Variants in ASAP2 observed in about 807,000 individuals in gnomAD.
The protein encoded by ASAP2 is ArfGAP with SH3 domain, ankyrin repeat and PH domain 2.
In ASAP2, 45 loss-of-function variants were observed where a neutral mutation model predicts 131.4. That is an observed-to-expected ratio of 0.34 (90% confidence interval 0.27 to 0.44). The LOEUF (loss-of-function observed/expected upper bound fraction) is 0.44. Ranked by LOEUF, ASAP2 falls within the 20% of genes least tolerant of loss-of-function variation. ASAP2 has a pLI of 1.00. For missense variants in ASAP2, 1,011 were observed against 1,297.0 expected (o/e 0.78, Z 3.39); for synonymous variants, 510 against 503.0 (o/e 1.01, Z -0.19).
intron 1 of ASAP2, among the ~76,000 whole-genome samples, chr2:9,267,065 A>C (rs1665990618): frequency 6.6e-6 from 1 of 152,154 alleles, no homozygotes; most frequent in Non-Finnish European, 1.5e-5. Flanking sequence ...AGATGCTTTA[A>C]TTTTACTTGT....
intron 1 of ASAP2, among the ~76,000 whole-genome samples, chr2:9,267,643 T>C (rs35389797): frequency 0.24 from 37,102 of 151,898 alleles, 5,154 homozygotes; most frequent in African/African-American, 0.36. Flanking sequence ...ATGCCTGTAA[T>C]CCCAGCACTT....
chr2:9,367,118 C>A (rs1303001388), intron 15 of ASAP2, among the ~76,000 whole-genome samples: 1 of 149,354 alleles, frequency 6.7e-6, no homozygotes, highest in South Asian at 2.1e-4. Flanking sequence ...GCAATCTTCA[C>A]CTCCTGGATT....
chr2:9,333,342 T>A (rs980259227), intron 7 of ASAP2, among the ~76,000 whole-genome samples: 1 of 152,226 alleles, frequency 6.6e-6, no homozygotes, highest in Admixed American at 6.5e-5. Context: ...GAATTCTGTT[T>A]TAAACAATCA....
chr2:9,332,022 C>T lies in ASAP2; in HGVS notation c.687-2716C>T, dbSNP rs921100544. Among the ~76,000 whole-genome samples the T allele has an allele frequency of 3.3e-5, 5 of 152,074 alleles. No homozygotes were observed. In the East Asian group the frequency reaches 7.8e-4, roughly 24 times the overall value. ...GAAGGCTGCAGGAGGGGCCCTGGCA[C>T]GGTGTGTGGGGCCCAGAGAAGAAAG... On this transcript the variant is annotated intron_variant, in intron 7 of 27. Transcript: ENST00000281419.
chr2:9,241,299 T>C (rs1433244686), intron 1 of ASAP2, among the ~76,000 whole-genome samples: 2 of 152,250 alleles, frequency 1.3e-5, no homozygotes, highest in East Asian at 3.8e-4. Context: ...CTGTTGTGCA[T>C]GTAGAACATT....
chr2:9,320,384 C>T (rs778105105), intron 5 of ASAP2, 47 bp downstream of exon 5: 8 of 1,437,732 alleles, frequency 5.6e-6, no homozygotes, highest in East Asian at 4.6e-5. Context: ...TTTGGGATTT[C>T]AAATTTAAAC....
intron 1 of ASAP2, among the ~76,000 whole-genome samples, chr2:9,214,356 CA>C (rs1452956128): frequency 1.3e-5 from 2 of 152,144 alleles, no homozygotes; most frequent in Non-Finnish European, 2.9e-5. Flanking sequence ...TCTCCTGCCT[CA>C]GCCTCCTGAG....
chr2:9,209,211 T>G (rs1453067358), intron 1 of ASAP2, among the ~76,000 whole-genome samples: 3 of 152,234 alleles, frequency 2.0e-5, no homozygotes, highest in African/African-American at 7.2e-5. Flanking sequence ...TCATTTCAGG[T>G]TTATTTCACT....
chr2:9,245,839 T>C (rs11678445), intron 1 of ASAP2, among the ~76,000 whole-genome samples: 34,379 of 152,108 alleles, frequency 0.23, 4,064 homozygotes, highest in Non-Finnish European at 0.25. Context: ...CGCCACCAGA[T>C]CCCCAGTGCC....
intron 1 of ASAP2, among the ~76,000 whole-genome samples, chr2:9,210,949 A>T (rs1366958397): frequency 6.6e-6 from 1 of 151,968 alleles, no homozygotes; most frequent in Non-Finnish European, 1.5e-5. Flanking sequence ...TGGGGTCAGG[A>T]GTTCGAAACC....
Position 9,344,723 on chromosome 2 carries a change from T to C in ASAP2, c.954-8T>C, listed in dbSNP as rs760434449. 40 of 1,614,118 alleles carry C rather than the reference T, an allele frequency of 2.5e-5. No homozygotes were observed. In the Middle Eastern group the frequency reaches 9.9e-4, roughly 40 times the overall value. ...AAACTCTTATTGTTTCTCCCACTTA[T>C]CCACAAGGATCCGAAAAGTGTGGCA... On this transcript the variant is annotated splice_polypyrimidine_tract_variant and splice_region_variant and intron_variant, in intron 10 of 27. Coordinates refer to ENST00000281419, the MANE Select transcript of ASAP2 (RefSeq NM_003887.3).
chr2:9,274,319 C>CTTTTTT lies in ASAP2; in HGVS notation c.127-4982_127-4977dup, dbSNP rs57798948. Among the ~76,000 whole-genome samples, 10 of 106,774 alleles carry CTTTTTT rather than the reference C, an allele frequency of 9.4e-5. 1 individual carries two copies. The highest frequency in any genetic ancestry group is 2.2e-4 in the African/African-American group (6 of 27,176). The allele number at this position is 106,774 out of a possible 152,430, so 70.0% of individuals were successfully genotyped here. A position where few individuals can be genotyped will look rare whatever the true frequency, so the allele number is the denominator to read the frequency against. On this transcript the variant is annotated intron_variant, in intron 1 of 27. Coordinates refer to ENST00000281419, the MANE Select transcript of ASAP2 (RefSeq NM_003887.3). ...CATAAGACTGTTTCTAGCATTCAAT[C>CTTTTTT]TTTTTTTTTTTTTTTTTTTTTGAGA...
At chr2:9,365,928 C>T (rs1418968210) in intron 15 of ASAP2, among the ~76,000 whole-genome samples, 1 of 152,104 alleles carries the variant, frequency 6.6e-6, no homozygotes, top group Non-Finnish European at 1.5e-5. Context: ...AGAACTTAAA[C>T]ACTCCCTCCT....
rs1352263530 is a variant in ASAP2 at position 9,385,366 on chromosome 2, C to T, written c.2130+8C>T. 8 of 1,602,560 alleles carry T rather than the reference C, an allele frequency of 5.0e-6. No individual in the cohort carries two copies. The African/African-American group carries it at 9.4e-5, about 19-fold the overall frequency. ...ATGGATGAGAAATTGCAGGTCTGTGCCAGGTTGCTAACCATTAAGAGTTTT... is the reference window on the plus strand; with the variant it reads ...ATGGATGAGAAATTGCAGGTCTGTGTCAGGTTGCTAACCATTAAGAGTTTT... On this transcript the variant is annotated splice_region_variant and intron_variant, in intron 21 of 27. Transcript: ENST00000281419.
intron 3 of ASAP2, among the ~76,000 whole-genome samples, chr2:9,300,327 C>T (rs538004593): frequency 5.3e-4 from 81 of 152,352 alleles, no homozygotes; most frequent in Non-Finnish European, 7.6e-4. Context: ...CCATGGAATC[C>T]GGACGAAACT....
intron 1 of ASAP2, among the ~76,000 whole-genome samples, chr2:9,210,076 C>T (rs1029907151): frequency 3.9e-5 from 6 of 152,240 alleles, no homozygotes; most frequent in African/African-American, 9.6e-5. Context: ...GCTTTATAGG[C>T]GAGGAAATTG....
At chr2:9,242,303 C>T (rs1664029842) in intron 1 of ASAP2, among the ~76,000 whole-genome samples, 1 of 152,212 alleles carries the variant, frequency 6.6e-6, no homozygotes, top group Non-Finnish European at 1.5e-5. Flanking sequence ...GGAGCTCTTC[C>T]ATCACCTAGC....
At chr2:9,345,434 C>T (rs1008374158) in intron 11 of ASAP2, among the ~76,000 whole-genome samples, 19 of 152,144 alleles carry the variant, frequency 1.2e-4, no homozygotes, top group Admixed American at 1.2e-3. Context: ...ATCTAGCTTT[C>T]AGAGGCCAGG....
At chr2:9,252,712 G>A (rs1287237382) in intron 1 of ASAP2, among the ~76,000 whole-genome samples, 2 of 151,896 alleles carry the variant, frequency 1.3e-5, no homozygotes, top group South Asian at 2.1e-4. Context: ...TCAGGAGATC[G>A]AGACCATCCT....
Sources: gnomAD v4.1 joint callset for allele counts (sites outside exome capture counted in the v4.1 genomes callset) on GRCh38, gnomAD v4.1.1 for gene constraint, MANE v1.5 for transcripts, NCBI Gene and HGNC (gene_info 2026-07-23, HGNC 2026-07-21) for gene names.